Variants in XPO1 observed in about 807,000 individuals in gnomAD.
XPO1 encodes exportin 1.
A neutral mutation model predicts 133.3 loss-of-function variants in XPO1; 5 were observed. That is an observed-to-expected ratio of 0.04 (90% CI 0.02 to 0.08). The LOEUF (loss-of-function observed/expected upper bound fraction) is 0.08. XPO1 is among the 10% of genes least tolerant of loss of function. The pLI is 1.00. For missense variants in XPO1, 506 were observed against 1,267.5 expected, an observed-to-expected ratio of 0.40 and a Z score of 9.12; for synonymous variants, 419 against 408.2, an observed-to-expected ratio of 1.03 and a Z score of -0.32.
At chr2:61,504,051 GAATT>G (rs1409177766) in intron 4 of XPO1, among the ~76,000 whole-genome samples, 5 of 152,088 alleles carry the variant, frequency 3.3e-5, no homozygotes, top group Non-Finnish European at 5.9e-5. Flanking sequence ...TCTCAAAAAT[GAATT>G]AATATACGTG....
rs770682729 is a variant in XPO1, at chr2:61,494,044, G to T, written c.1095C>A (p.Ile365=). The T allele has an allele frequency of 3.7e-5, 60 of 1,613,874 alleles. No individual in the cohort carries two copies. Among genetic ancestry groups the T allele is most frequent in the African/African-American group, 2.3e-4 (17 of 74,914 alleles). The change falls in exon 12 of 25, where the codon ATC becomes ATA. Residue 365 remains isoleucine, a synonymous_variant. Coordinates refer to ENST00000401558, the MANE Select transcript of XPO1 (RefSeq NM_003400.4). ...LLVSEVEETE[I]FKICLEYWNH... Reference sequence around the variant, plus strand: ...TCCAGTATTCAAGACAAATTTTAAAGATTTCAGTTTCTTCTACTTCAGATA... The same window carrying T: ...TCCAGTATTCAAGACAAATTTTAAATATTTCAGTTTCTTCTACTTCAGATA...
At chr2:61,535,922 T>C (rs1292201146) in intron 1 of XPO1, among the ~76,000 whole-genome samples, 2 of 152,236 alleles carry the variant, frequency 1.3e-5, no homozygotes, top group African/African-American at 2.4e-5. Context: ...TATTTGAGGC[T>C]TAAAAGCAAT....
At position 61,482,387 on chromosome 2, in the gene XPO1, G is replaced by C. The variant is rs1558626580; in HGVS notation, c.2965C>G (p.Leu989Val). ...ANLLKSAFPH[L>V]QDAQVKLFVT... ...ATTAAAAGGTATATTTACTCTTGTA[G>C]GTGAGGGAAGGCCGACTTAAGGAGA... The change falls in exon 23 of 25, where the codon CTA becomes GTA. Residue 989 changes from leucine to valine, a missense_variant. Transcript: ENST00000401558. 6.2e-7 allele frequency: 1 copy of C among 1,607,784 alleles called. No homozygotes were observed. The highest frequency in any genetic ancestry group is 8.5e-7 in the Non-Finnish European group (1 of 1,177,916).
At chr2:61,481,065 G>GT in intron 24 of XPO1, 120 bp downstream of exon 24, 3 of 575,676 alleles carry the variant, frequency 5.2e-6, no homozygotes, top group Non-Finnish European at 8.8e-6. Flanking sequence ...TTGTGTAAAC[G>GT]TATTATCTTG....
intron 4 of XPO1, among the ~76,000 whole-genome samples, chr2:61,520,037 A>C (rs927756685): frequency 6.6e-6 from 1 of 152,102 alleles, no homozygotes; most frequent in Admixed American, 6.6e-5. Context: ...CAGCACTTTG[A>C]TGTACATGTA....
chr2:61,488,391 A>C (rs1696797260), intron 18 of XPO1, 120 bp from the exon 19 acceptor site: 1 of 1,228,432 alleles, frequency 8.1e-7, no homozygotes, highest in South Asian at 1.5e-5. Flanking sequence ...AAGTTCACAA[A>C]ATTTATTGGG....
intron 4 of XPO1, among the ~76,000 whole-genome samples, chr2:61,508,026 G>C (rs1159137440): frequency 6.6e-6 from 1 of 151,998 alleles, no homozygotes; most frequent in Non-Finnish European, 1.5e-5. Flanking sequence ...AGTGGCCCAA[G>C]ACCCTATTCT....
chr2:61,485,728 C>G, intron 20 of XPO1, 40 bp downstream of exon 20: 1 of 1,522,758 alleles, frequency 6.6e-7, no homozygotes, highest in South Asian at 1.2e-5. Flanking sequence ...TAAGGCTATC[C>G]TGCAGAATTT....
rs550642134 is a variant in XPO1, at chr2:61,488,150, G to C, written c.2313+15C>G. The C allele has an allele frequency of 6.2e-7, 1 of 1,605,396 alleles. No individual in the cohort carries two copies. Among genetic ancestry groups the C allele is most frequent in the Non-Finnish European group, 8.5e-7 (1 of 1,172,338 alleles). The stretch of plus-strand genomic sequence containing the variant: ...ATCAACACTAGAAATCAAAAGCAAA[G>C]CATCTCTCACTTACCATCTGTGGAT... On this transcript the variant is annotated intron_variant, in intron 19 of 24. Transcript: ENST00000401558.
At chr2:61,521,661 G>T (rs1043194870) in intron 4 of XPO1, among the ~76,000 whole-genome samples, 2 of 152,064 alleles carry the variant, frequency 1.3e-5, no homozygotes, top group Non-Finnish European at 2.9e-5. Flanking sequence ...CTCTTCCAAG[G>T]CATTCCCAGA....
Position 61,480,768 on chromosome 2 carries a change from A to G in XPO1, c.3069+417T>C, listed in dbSNP as rs954543196. On this transcript the variant is annotated intron_variant, in intron 24 of 24. Coordinates refer to ENST00000401558, the MANE Select transcript of XPO1 (RefSeq NM_003400.4). The stretch of plus-strand genomic sequence containing the variant: ...CAAATTTCTTTAAAGCAAGATGTTC[A>G]AAGAAAAACCCTTCCCAAAAGTATG... Among the ~76,000 whole-genome samples, 3 of 152,338 alleles carry G rather than the reference A, an allele frequency of 2.0e-5. No homozygotes were observed. The South Asian group carries it at 6.2e-4, about 32-fold the overall frequency.
chr2:61,530,360 T>C (rs1182836813), intron 2 of XPO1, among the ~76,000 whole-genome samples: 4 of 152,140 alleles, frequency 2.6e-5, no homozygotes, highest in South Asian at 4.1e-4. Flanking sequence ...TAATGTTCTT[T>C]ATAAACTTAA....
intron 4 of XPO1, among the ~76,000 whole-genome samples, chr2:61,521,627 T>C (rs144996677): frequency 2.2e-4 from 33 of 152,320 alleles, no homozygotes; most frequent in African/African-American, 7.9e-4. Context: ...CATTTTCTGA[T>C]CTTTCTTCAT....
At chr2:61,497,921 G>C (rs557280816) in intron 9 of XPO1, among the ~76,000 whole-genome samples, 2 of 152,148 alleles carry the variant, frequency 1.3e-5, no homozygotes, top group South Asian at 2.1e-4. Flanking sequence ...GCAATAAACT[G>C]ATCATTCAAA....
At chr2:61,501,693 A>AT (rs1398020661) in intron 6 of XPO1, among the ~76,000 whole-genome samples, 177 of 146,876 alleles carry the variant, frequency 1.2e-3, no homozygotes, top group Admixed American at 2.8e-3. Flanking sequence ...ACTGCACTCC[A>AT]GCCTGGGCAA....
Position 61,492,813 on chromosome 2 carries a change from C to T in XPO1, c.1385-65G>A, listed in dbSNP as rs1194751697. ...AGAATTTTATTGATGAGTAACAATA[C>T]ATTTAGAAAATATTTAGAAACTACA... On this transcript the variant is annotated intron_variant, in intron 13 of 24. Transcript: ENST00000401558. The surrounding 1 kb of genome is among the most constrained non-coding windows in gnomAD (Gnocchi z 5.6). 1.3e-6 allele frequency: 2 copies of T among 1,564,936 alleles called. No individual in the cohort carries two copies. The highest frequency in any genetic ancestry group is 1.7e-6 in the Non-Finnish European group (2 of 1,154,262).
chr2:61,496,746 TA>T (rs1697260083), intron 10 of XPO1, 132 bp downstream of exon 10: 1 of 1,123,566 alleles, frequency 8.9e-7, no homozygotes, highest in African/African-American at 1.6e-5. Flanking sequence ...TGTAGCTTAC[TA>T]CAAATTTTAT....
intron 2 of XPO1, among the ~76,000 whole-genome samples, chr2:61,529,798 C>T (rs1699074369): frequency 6.6e-6 from 1 of 152,102 alleles, no homozygotes; most frequent in Non-Finnish European, 1.5e-5. Context: ...CAGGAAAACA[C>T]ACTGCTACAC....
At chr2:61,501,721 C>CAAAAAAAAAAAAAAAAAAAAAAAAAAA (rs34659499) in intron 6 of XPO1, among the ~76,000 whole-genome samples, 3 of 111,434 alleles carry the variant, frequency 2.7e-5, no homozygotes, top group African/African-American at 1.0e-4. Flanking sequence ...AGACTGTCTC[C>CAAAAAAAAAAAAAAAAAAAAAAAAAAA]AAAAAAAAAA....
Sources: allele counts gnomAD v4.1 joint callset (sites outside exome capture counted in the v4.1 genomes callset), GRCh38; gene constraint gnomAD v4.1.1; non-coding constraint Gnocchi (gnomAD v3.1); transcripts MANE v1.5; gene names NCBI Gene and HGNC (gene_info 2026-07-23, HGNC 2026-07-21).